Variants in STRN3 observed in about 807,000 individuals in gnomAD.
STRN3 encodes striatin-3.
Under a neutral mutation model 95.6 loss-of-function variants are expected in STRN3, and 29 were observed. That is an observed-to-expected ratio of 0.30 (90% CI 0.23 to 0.41). The LOEUF is 0.41. STRN3 is among the 10% of genes least tolerant of loss of function. The pLI, the probability that STRN3 is intolerant of heterozygous loss-of-function variation, is 1.00. For synonymous variants in STRN3, 331 were observed against 357.6 expected (o/e 0.93, Z 0.84); for missense variants, 890 against 972.1 (o/e 0.92, Z 1.12).
Position 30,917,565 on chromosome 14 carries a change from AAAG to A in STRN3, c.1240+1398_1240+1400del, listed in dbSNP as rs1416119203. On this transcript the variant is annotated intron_variant, in intron 9 of 17. Transcript: ENST00000357479. ...TAAATGCATAAAATTAAAAAAAAAA[AAAG>A]GAGTTGCTATGTGTATTTTAGAAAA... Among the ~76,000 whole-genome samples the A allele has an allele frequency of 1.1e-4, 16 of 152,168 alleles. 1 individual carries two copies. In the South Asian group the frequency reaches 1.2e-3, roughly 12 times the overall value.
At chr14:30,973,199 ACT>A (rs1169059715) in intron 1 of STRN3, among the ~76,000 whole-genome samples, 2 of 152,136 alleles carry the variant, frequency 1.3e-5, no homozygotes, top group African/African-American at 4.8e-5. Context: ...ACAAAGTGAG[ACT>A]CTGTCTCAAA....
chr14:31,002,184 A>G (rs1287062649), intron 1 of STRN3, among the ~76,000 whole-genome samples: 1 of 142,822 alleles, frequency 7.0e-6, no homozygotes, highest in African/African-American at 2.7e-5. Flanking sequence ...AAAAAAAAAA[A>G]AAAACAAGGC....
At chr14:30,970,322 G>A (rs72668381) in intron 1 of STRN3, among the ~76,000 whole-genome samples, 13,733 of 152,166 alleles carry the variant, frequency 0.09, 904 homozygotes, top group South Asian at 0.29. Flanking sequence ...CAGGAGTCTG[G>A]CCCCCCGATG....
chr14:30,967,593 A>T (rs1880594639), intron 1 of STRN3, among the ~76,000 whole-genome samples: 2 of 152,206 alleles, frequency 1.3e-5, no homozygotes, highest in South Asian at 4.1e-4. Context: ...TAACCCGCGG[A>T]TGGCCCAAAT....
chr14:31,025,402 G>T, intron 1 of STRN3: 1 of 170,268 alleles, frequency 5.9e-6, no homozygotes, highest in Non-Finnish European at 1.3e-5. Flanking sequence ...GCTGTCAAGG[G>T]GCAAGCGCGT....
In STRN3 at chr14:30,905,510, T is replaced by C. The variant is rs764597661; in HGVS notation, c.1937A>G (p.His646Arg). ...SVDFIGCDPA[H>R]MVTSFNTGSA... Reference sequence around the variant, plus strand: ...ACCAGTGTTGAAAGAGGTTACCATATGAGCTGGATCACAGCCTATAAAGTC... The same window carrying C: ...ACCAGTGTTGAAAGAGGTTACCATACGAGCTGGATCACAGCCTATAAAGTC... Residue 646 changes from histidine (H) to arginine (R), a missense_variant, in exon 15 of 18, where the codon CAT (histidine) becomes CGT (arginine). Coordinates refer to ENST00000357479, the MANE Select transcript of STRN3 (RefSeq NM_001083893.2). The C allele has an allele frequency of 1.2e-6, 2 of 1,609,390 alleles. No individual in the cohort carries two copies. Among genetic ancestry groups the C allele is most frequent in the Admixed American group, 3.4e-5 (2 of 59,328 alleles).
chr14:31,003,268 A>T (rs1362380251), intron 1 of STRN3, among the ~76,000 whole-genome samples: 1 of 151,840 alleles, frequency 6.6e-6, no homozygotes, highest in Admixed American at 6.6e-5. Flanking sequence ...CTCCAAAAAA[A>T]AAAAAAAGAA....
At chr14:30,963,834 C>T (rs952673659) in intron 1 of STRN3, among the ~76,000 whole-genome samples, 21 of 152,112 alleles carry the variant, frequency 1.4e-4, no homozygotes, top group Admixed American at 1.0e-3. Flanking sequence ...AAACAACACA[C>T]TCAAAGAAGA....
intron 5 of STRN3, among the ~76,000 whole-genome samples, chr14:30,941,637 T>C (rs1302433111): frequency 2.0e-5 from 3 of 152,034 alleles, no homozygotes; most frequent in African/African-American, 2.4e-5. Flanking sequence ...ACTTTTTTTT[T>C]CCCCCCAAGA....
At chr14:30,957,559 C>T (rs1879983473) in intron 1 of STRN3, among the ~76,000 whole-genome samples, 2 of 152,094 alleles carry the variant, frequency 1.3e-5, no homozygotes, top group South Asian at 2.1e-4. Flanking sequence ...AAATGCCATA[C>T]TATTACAAAT....
chr14:30,998,715 C>T (rs1882313090), intron 1 of STRN3, among the ~76,000 whole-genome samples: 1 of 152,128 alleles, frequency 6.6e-6, no homozygotes, highest in South Asian at 2.1e-4. Context: ...CTTCAGTAAC[C>T]ACAGACAACA....
intron 1 of STRN3, among the ~76,000 whole-genome samples, chr14:31,024,356 T>A (rs1422783769): frequency 6.6e-6 from 1 of 152,306 alleles, no homozygotes; most frequent in East Asian, 1.9e-4. Flanking sequence ...GAAAATTAAG[T>A]TTGCAGTATG....
intron 5 of STRN3, among the ~76,000 whole-genome samples, chr14:30,940,947 A>T (rs566887026): frequency 2.8e-4 from 43 of 152,260 alleles, no homozygotes; most frequent in African/African-American, 1.0e-3. Context: ...GATGGTATTA[A>T]GAGGTGGGCC....
At position 31,026,104 on chromosome 14, in the gene STRN3, G is replaced by C. The variant is rs1448259985; in HGVS notation, c.82C>G (p.Leu28Val). The C allele has an allele frequency of 4.6e-6, 7 of 1,526,484 alleles. No homozygotes were observed. Among genetic ancestry groups the C allele is most frequent in the Admixed American group, 2.0e-5 (1 of 49,338 alleles). 94.6% of individuals were successfully genotyped at this position (1,526,484 alleles called of 1,614,324 possible). Residue 28 changes from leucine to valine, a missense_variant, in exon 1 of 18, where the codon CTG (leucine) becomes GTG (valine). Physicochemically the swap from Leu to Val is conservative, Grantham distance 32. Transcript: ENST00000357479. ...PRQQQGPGGN[L>V]GLSPGGNGAA... ...CCGTTCCCCCCGGGCGAAAGGCCCA[G>C]GTTCCCCCCAGGTCCCTGCTGCTGC...
chr14:30,895,849 A>T (rs1490500705), intron 16 of STRN3, 101 bp from the exon 17 acceptor site: 2 of 993,732 alleles, frequency 2.0e-6, no homozygotes, highest in Non-Finnish European at 2.9e-6. Flanking sequence ...TCATTATAGC[A>T]ACTTTTTTAT....
intron 1 of STRN3, among the ~76,000 whole-genome samples, chr14:30,987,238 T>A (rs1036317930): frequency 1.1e-4 from 16 of 152,328 alleles, no homozygotes; most frequent in African/African-American, 3.4e-4. Flanking sequence ...CCAGGCGCAG[T>A]GGCTCACGCC....
At position 30,895,644 on chromosome 14, in the gene STRN3, C is replaced by T. The variant is rs200386180; in HGVS notation, c.2224+18G>A. 1.9e-6 allele frequency: 3 copies of T among 1,612,344 alleles called. No individual in the cohort carries two copies. The highest frequency in any genetic ancestry group is 2.7e-5 in the African/African-American group (2 of 74,910). ...TCTTTTATAAAGTTTGTGGGCAGTA[C>T]AGGACTTTAAGACTTACTTCCAGAC... On this transcript the variant is annotated intron_variant, in intron 17 of 17. Transcript: ENST00000357479.
chr14:30,895,184 G>T lies in STRN3; in HGVS notation c.*227C>A. 1.9e-6 allele frequency: 1 copy of T among 518,078 alleles called. No individual in the cohort carries two copies. The highest frequency in any genetic ancestry group is 3.3e-6 in the Non-Finnish European group (1 of 300,228). 32.1% of individuals were successfully genotyped at this position (518,078 alleles called of 1,614,324 possible). A position where few individuals can be genotyped will look rare whatever the true frequency, so the allele number is the denominator to read the frequency against. On this transcript the variant is annotated 3_prime_UTR_variant, in exon 18 of 18. Transcript: ENST00000357479. The stretch of plus-strand genomic sequence containing the variant: ...TACGCTCAGTTCACATCCAGTACAG[G>T]CCACAAATACTGGAGTCCTTTTTTC...
chr14:30,926,667 A>C (rs1033132710), intron 8 of STRN3, among the ~76,000 whole-genome samples: 1 of 152,034 alleles, frequency 6.6e-6, no homozygotes, highest in Non-Finnish European at 1.5e-5. Context: ...CTGAATAACA[A>C]GCATGTGTTA....
Sources: gnomAD v4.1 joint callset for allele counts (sites outside exome capture counted in the v4.1 genomes callset) on GRCh38, gnomAD v4.1.1 for gene constraint, MANE v1.5 for transcripts, NCBI Gene and HGNC (gene_info 2026-07-23, HGNC 2026-07-21) for gene names.